The following PHACTR1 variants were observed in gnomAD, a reference collection of about 807,000 sequenced individuals.
The protein encoded by PHACTR1 is RPEL repeat containing 1.
PHACTR1 carries 16 observed loss-of-function variants against 69.2 expected under a neutral mutation model. The observed-to-expected ratio is 0.23, with a 90% CI of 0.16 to 0.35. The LOEUF is 0.35. Among genes scored for constraint, PHACTR1 ranks in the 10% least tolerant of loss-of-function variants. The pLI, the probability that PHACTR1 is intolerant of heterozygous loss-of-function variation, is 1.00. For synonymous variants in PHACTR1, 312 were observed against 284.5 expected (o/e 1.10, Z -0.97); for missense variants, 510 against 734.7 (o/e 0.69, Z 3.54).
chr6:13,139,548 AG>A (rs1241798699), intron 5 of PHACTR1, among the ~76,000 whole-genome samples: 1 of 152,200 alleles, frequency 6.6e-6, no homozygotes, highest in Non-Finnish European at 1.5e-5. Flanking sequence ...CTTTCATTTG[AG>A]GAACTGAACT....
At chr6:12,840,760 T>C (rs1184483130) in intron 4 of PHACTR1, among the ~76,000 whole-genome samples, 1 of 152,228 alleles carries the variant, frequency 6.6e-6, no homozygotes. Flanking sequence ...CCCAAATTTA[T>C]GTCTATTCAA....
At chr6:13,134,431 A>G (rs1561880184) in intron 5 of PHACTR1, among the ~76,000 whole-genome samples, 1 of 152,190 alleles carries the variant, frequency 6.6e-6, no homozygotes, top group East Asian at 1.9e-4. Flanking sequence ...GGGAGACTCC[A>G]TTTTGTTCTG....
chr6:13,073,757 A>T (rs1389536698), intron 5 of PHACTR1, among the ~76,000 whole-genome samples: 1 of 152,148 alleles, frequency 6.6e-6, no homozygotes, highest in Non-Finnish European at 1.5e-5. Context: ...CATAGATGGG[A>T]CCAGATGACA....
At chr6:12,798,700 G>A (rs1354856500) in intron 4 of PHACTR1, among the ~76,000 whole-genome samples, 4 of 152,182 alleles carry the variant, frequency 2.6e-5, no homozygotes. Flanking sequence ...GAAGAGGTCA[G>A]GGTATCGCAA....
chr6:13,082,784 T>C (rs868194922), intron 5 of PHACTR1, among the ~76,000 whole-genome samples: 2 of 152,344 alleles, frequency 1.3e-5, no homozygotes, highest in South Asian at 2.1e-4. Context: ...CACCCACTTT[T>C]TGATGGGGTT....
At chr6:13,157,339 G>A (rs550518111) in intron 5 of PHACTR1, among the ~76,000 whole-genome samples, 6 of 152,316 alleles carry the variant, frequency 3.9e-5, no homozygotes, top group Non-Finnish European at 8.8e-5. Context: ...TTCTTAAGGA[G>A]GACTGATCTT....
At chr6:13,280,354 G>C (rs1213215263) in intron 12 of PHACTR1, 2 of 152,900 alleles carry the variant, frequency 1.3e-5, no homozygotes, top group Non-Finnish European at 2.9e-5. Flanking sequence ...TAAGGAGCTT[G>C]AGAGGGGATA....
chr6:12,937,891 A>T (rs1789638069), intron 4 of PHACTR1, among the ~76,000 whole-genome samples: 1 of 152,230 alleles, frequency 6.6e-6, no homozygotes, highest in Non-Finnish European at 1.5e-5. Context: ...ACTTGAGGTC[A>T]GGAGTTCAAG....
In PHACTR1 at chr6:13,008,936, A is replaced by G. The variant is rs1799139370; in HGVS notation, c.251-44429A>G. Reference sequence around the variant, plus strand: ...ACAACAGATATTTATTCTCTCACTCAGTTCTGGAGACCAGAAGTTCAAGTT... The same window carrying G: ...ACAACAGATATTTATTCTCTCACTCGGTTCTGGAGACCAGAAGTTCAAGTT... On this transcript the variant is annotated intron_variant, in intron 4 of 14. Transcript: ENST00000332995. Among the ~76,000 whole-genome samples, 15 of 152,342 alleles carry G rather than the reference A, an allele frequency of 9.8e-5. No homozygotes were observed. The South Asian group carries it at 3.1e-3, about 32-fold the overall frequency.
At position 13,114,362 on chromosome 6, in the gene PHACTR1, C is replaced by T. The variant is rs189174611; in HGVS notation, c.416-45842C>T. On this transcript the variant is annotated intron_variant, in intron 5 of 14. Transcript: ENST00000332995. ...ATCCCTAGCTCTCATATTCTTGGTA[C>T]ATTCTTAGGAATAATGGATAGTCTC... 7.9e-5 allele frequency among the ~76,000 whole-genome samples: 12 copies of T among 152,242 alleles called. No individual in the cohort carries two copies. The East Asian group carries it at 2.1e-3, about 27-fold the overall frequency.
intron 4 of PHACTR1, among the ~76,000 whole-genome samples, chr6:13,004,986 T>G (rs928862522): frequency 6.6e-6 from 1 of 151,710 alleles, no homozygotes; most frequent in Non-Finnish European, 1.5e-5. Flanking sequence ...TTTAATATAT[T>G]TCTTATTCTT....
At chr6:12,845,422 ACCACCC>A (rs1779113409) in intron 4 of PHACTR1, among the ~76,000 whole-genome samples, 1 of 12,798 alleles carries the variant, frequency 7.8e-5, no homozygotes, top group African/African-American at 2.8e-4. Context: ...CATTGTGAAC[ACCACCC>A]ACCCCCCCCC....
At chr6:13,238,573 T>G (rs1375239355) in intron 10 of PHACTR1, among the ~76,000 whole-genome samples, 1 of 152,216 alleles carries the variant, frequency 6.6e-6, no homozygotes, top group Non-Finnish European at 1.5e-5. Context: ...GGTACGGTGT[T>G]CAAGAGAGAA....
chr6:13,155,535 G>A (rs1561911994), intron 5 of PHACTR1, among the ~76,000 whole-genome samples: 1 of 152,166 alleles, frequency 6.6e-6, no homozygotes, highest in Non-Finnish European at 1.5e-5. Flanking sequence ...TGGAAGAGCT[G>A]CTTAAAGTAA....
chr6:12,944,095 T>C (rs751135893), intron 4 of PHACTR1, among the ~76,000 whole-genome samples: 16 of 152,208 alleles, frequency 1.1e-4, no homozygotes, highest in Non-Finnish European at 1.9e-4. Flanking sequence ...TTAAGAGACA[T>C]TACCCTCTGT....
At chr6:12,728,361 AT>A (rs1024029270) in intron 3 of PHACTR1, among the ~76,000 whole-genome samples, 15 of 152,012 alleles carry the variant, frequency 9.9e-5, no homozygotes, top group African/African-American at 3.4e-4. Flanking sequence ...CAACTATTTA[AT>A]TTTTTTGTAT....
At chr6:13,231,516 A>T (rs577633094) in intron 10 of PHACTR1, among the ~76,000 whole-genome samples, 1 of 152,364 alleles carries the variant, frequency 6.6e-6, no homozygotes, top group South Asian at 2.1e-4. Flanking sequence ...ATCATGTAAT[A>T]GAATTGAGGA....
intron 4 of PHACTR1, among the ~76,000 whole-genome samples, chr6:12,750,083 G>A (rs1012204427): frequency 1.3e-5 from 2 of 152,144 alleles, no homozygotes; most frequent in Admixed American, 1.3e-4. Context: ...CGGAGCCCGG[G>A]CCGCGCGCCC....
At chr6:12,869,818 T>C (rs1781843825) in intron 4 of PHACTR1, among the ~76,000 whole-genome samples, 1 of 152,240 alleles carries the variant, frequency 6.6e-6, no homozygotes, top group South Asian at 2.1e-4. Context: ...GTTCTATACA[T>C]TTGAGTGTAT....
Sources: gnomAD v4.1 joint callset for allele counts (sites outside exome capture counted in the v4.1 genomes callset) on GRCh38, gnomAD v4.1.1 for gene constraint, MANE v1.5 for transcripts, NCBI Gene and HGNC (gene_info 2026-07-23, HGNC 2026-07-21) for gene names.